Variants in THSD7B observed in about 807,000 individuals in gnomAD.
The protein encoded by THSD7B is thrombospondin type 1 domain containing 7B, also known as thrombospondin type-1 domain-containing protein 7B.
In THSD7B, 138 loss-of-function variants were observed where a neutral mutation model predicts 213.6. The observed-to-expected ratio is 0.65, with a 90% CI of 0.56 to 0.74. The LOEUF (loss-of-function observed/expected upper bound fraction) is 0.74. Among genes scored for constraint, THSD7B ranks in the 30% least tolerant of loss-of-function variants. THSD7B has a pLI of 0.00. For missense variants in THSD7B, 1,931 were observed against 1,991.5 expected (o/e 0.97, Z 0.58); for synonymous variants, 742 against 687.0 (o/e 1.08, Z -1.25).
At chr2:137,573,392 A>C (rs10168913) in intron 17 of THSD7B, among the ~76,000 whole-genome samples, 9,368 of 152,158 alleles carry the variant, frequency 0.062, 385 homozygotes, top group South Asian at 0.17. Context: ...AAAATCAGTT[A>C]ATATCGTATG....
intron 27 of THSD7B, among the ~76,000 whole-genome samples, chr2:137,669,416 T>A (rs1683517109): frequency 6.6e-6 from 1 of 151,902 alleles, no homozygotes; most frequent in Non-Finnish European, 1.5e-5. Flanking sequence ...CATCTTCAGT[T>A]GGTCATTCAT....
At chr2:136,951,992 C>G (rs1685045661) in intron 2 of THSD7B, among the ~76,000 whole-genome samples, 1 of 152,142 alleles carries the variant, frequency 6.6e-6, no homozygotes. Context: ...GCCTCAGCCT[C>G]TTGAGTAGCT....
intron 2 of THSD7B, among the ~76,000 whole-genome samples, chr2:136,966,905 A>G (rs1041924717): frequency 1.3e-5 from 2 of 152,080 alleles, no homozygotes; most frequent in Non-Finnish European, 2.9e-5. Context: ...TAGAAAGTCT[A>G]TTCTATTCTC....
intron 25 of THSD7B, among the ~76,000 whole-genome samples, chr2:137,660,526 G>T (rs1042049851): frequency 2.0e-5 from 3 of 152,106 alleles, no homozygotes; most frequent in African/African-American, 7.2e-5. Context: ...GCTTGCAGAG[G>T]GGAATAGAAG....
intron 2 of THSD7B, among the ~76,000 whole-genome samples, chr2:136,933,235 A>T (rs1342138598): frequency 6.6e-6 from 1 of 151,308 alleles, no homozygotes; most frequent in African/African-American, 2.4e-5. Context: ...GGAAAATAAA[A>T]GATAACTTCA....
intron 12 of THSD7B, among the ~76,000 whole-genome samples, chr2:137,326,311 T>C (rs2104886412): frequency 6.6e-6 from 1 of 152,302 alleles, no homozygotes; most frequent in Non-Finnish European, 1.5e-5. Flanking sequence ...TACATGAACA[T>C]GCCTAGATCT....
chr2:137,389,238 TAGAG>T (rs1553445651), intron 12 of THSD7B, among the ~76,000 whole-genome samples: 1 of 140,792 alleles, frequency 7.1e-6, no homozygotes, highest in Non-Finnish European at 1.5e-5. Flanking sequence ...TATATATATA[TAGAG>T]AGAGTTTTTT....
chr2:137,356,977 C>T (rs889900624), intron 12 of THSD7B, among the ~76,000 whole-genome samples: 2 of 146,996 alleles, frequency 1.4e-5, no homozygotes, highest in Admixed American at 6.7e-5. Flanking sequence ...GACACACACA[C>T]ACACACACAC....
chr2:137,276,958 G>A (rs1429296250), intron 12 of THSD7B, among the ~76,000 whole-genome samples: 1 of 151,998 alleles, frequency 6.6e-6, no homozygotes, highest in African/African-American at 2.4e-5. Flanking sequence ...GTGGCTTTGT[G>A]TAAATTATAA....
intron 3 of THSD7B, among the ~76,000 whole-genome samples, chr2:137,072,718 C>T (rs144541213): frequency 6.6e-6 from 1 of 152,136 alleles, no homozygotes; most frequent in Admixed American, 6.5e-5. Flanking sequence ...TTTGCCCATT[C>T]AGTATGATAT....
At chr2:136,965,982 T>C (rs1685306797) in intron 2 of THSD7B, among the ~76,000 whole-genome samples, 3 of 152,176 alleles carry the variant, frequency 2.0e-5, no homozygotes. Context: ...ATATTTTTCC[T>C]GAGTAAATGC....
At position 137,323,442 on chromosome 2, in the gene THSD7B, A is replaced by G. The variant is rs182473439; in HGVS notation, c.2500+47416A>G. On this transcript the variant is annotated intron_variant, in intron 12 of 27. Transcript: ENST00000409968. ...TTGACCAACATCATAACCTTACCAC[A>G]TCCTTCTACTATTCATTGAGATGTC... 1.3e-3 allele frequency among the ~76,000 whole-genome samples: 200 copies of G among 152,222 alleles called. 1 individual carries two copies. The highest frequency in any genetic ancestry group is 4.6e-3 in the African/African-American group (192 of 41,552).
intron 2 of THSD7B, among the ~76,000 whole-genome samples, chr2:136,941,136 C>T (rs1357431461): frequency 3.9e-5 from 6 of 152,008 alleles, no homozygotes; most frequent in Admixed American, 6.6e-5. Context: ...ACAGTTTGCT[C>T]AGAATGATGG....
At position 137,248,652 on chromosome 2, in the gene THSD7B, A is replaced by G. The variant is rs555170497; in HGVS notation, c.2266+6080A>G. Among the ~76,000 whole-genome samples the G allele has an allele frequency of 2.6e-5, 4 of 152,226 alleles. No individual in the cohort carries two copies. In the East Asian group the frequency reaches 7.7e-4, roughly 29 times the overall value. On this transcript the variant is annotated intron_variant, in intron 10 of 27. Transcript: ENST00000409968. ...GCCTCTTTACTTTCCCCTGTCAAGC[A>G]TATGTGGCCCCCTCCTCTTCACAGA...
intron 1 of THSD7B, among the ~76,000 whole-genome samples, chr2:136,872,382 C>T (rs1033406093): frequency 4.6e-4 from 10 of 21,572 alleles, no homozygotes; most frequent in African/African-American, 1.4e-3. Context: ...ATACTTTTTT[C>T]GGGGGGGTGG....
intron 3 of THSD7B, among the ~76,000 whole-genome samples, chr2:137,090,400 A>G (rs1687929002): frequency 6.6e-6 from 1 of 152,090 alleles, no homozygotes; most frequent in Admixed American, 6.6e-5. Context: ...ATTTTTCTAT[A>G]TGTGCGATGT....
At chr2:137,095,151 G>A (rs370421476) in intron 4 of THSD7B, 30 bp downstream of exon 4, 13 of 1,607,454 alleles carry the variant, frequency 8.1e-6, no homozygotes, top group Non-Finnish European at 1.1e-5. Context: ...TCTTTAGTGT[G>A]AAGGAGGCAT....
Position 137,659,078 on chromosome 2 carries a change from G to A in THSD7B, c.4376-586G>A, listed in dbSNP as rs187496248. On this transcript the variant is annotated intron_variant, in intron 24 of 27. Transcript: ENST00000409968. ...AGCAGGAACAAGTACTGTGTCAGATGTTTGATTGTCTCTCCTAGAGCTTCG... is the reference window on the plus strand; with the variant it reads ...AGCAGGAACAAGTACTGTGTCAGATATTTGATTGTCTCTCCTAGAGCTTCG... 2.0e-5 allele frequency among the ~76,000 whole-genome samples: 3 copies of A among 150,534 alleles called. No individual in the cohort carries two copies. In the East Asian group the frequency reaches 5.8e-4, roughly 29 times the overall value.
At chr2:137,338,226 CATATTACAGCAGGCTCAAA>C (rs1316928078) in intron 12 of THSD7B, among the ~76,000 whole-genome samples, 1 of 151,994 alleles carries the variant, frequency 6.6e-6, no homozygotes, top group Non-Finnish European at 1.5e-5. Flanking sequence ...TAGGCTTGCT[CATATTACAGCAGGCTCAAA>C]ATAGTTGAGC....
Sources: gnomAD v4.1 joint callset for allele counts (sites outside exome capture counted in the v4.1 genomes callset) on GRCh38, gnomAD v4.1.1 for gene constraint, MANE v1.5 for transcripts, NCBI Gene and HGNC (gene_info 2026-07-23, HGNC 2026-07-21) for gene names.